The following CNTN5 variants were observed in gnomAD, a reference collection of about 807,000 sequenced individuals.
CNTN5 encodes contactin-5.
Under a neutral mutation model 129.1 loss-of-function variants are expected in CNTN5, and 77 were observed. The ratio of observed to expected loss-of-function variants is 0.60; its 90% CI spans 0.50 to 0.72. The LOEUF (loss-of-function observed/expected upper bound fraction) is 0.72, where lower values mean the gene tolerates loss of function less well. Ranked by LOEUF, CNTN5 falls within the 30% of genes least tolerant of loss-of-function variation. The pLI, the probability that CNTN5 is intolerant of heterozygous loss-of-function variation, is 0.00. For missense variants in CNTN5, 1,478 were observed against 1,328.8 expected (o/e 1.11, Z -1.75); for synonymous variants, 509 against 465.6 (o/e 1.09, Z -1.20).
intron 13 of CNTN5, among the ~76,000 whole-genome samples, chr11:100,103,406 T>G (rs1352660196): frequency 6.6e-6 from 1 of 152,188 alleles, no homozygotes; most frequent in Non-Finnish European, 1.5e-5. Flanking sequence ...GAGCGCATCA[T>G]GTACTAATGT....
At chr11:99,708,744 C>T (rs534167451) in intron 3 of CNTN5, among the ~76,000 whole-genome samples, 1 of 151,794 alleles carries the variant, frequency 6.6e-6, no homozygotes, top group East Asian at 2.0e-4. Flanking sequence ...CTCCCTTCTG[C>T]CAGAGACACC....
chr11:99,121,404 C>T (rs1591227599), intron 1 of CNTN5, among the ~76,000 whole-genome samples: 1 of 151,978 alleles, frequency 6.6e-6, no homozygotes, highest in Non-Finnish European at 1.5e-5. Context: ...AAGTGCTGGG[C>T]TTACAGGCAT....
chr11:99,696,042 T>A (rs1214841145), intron 3 of CNTN5, among the ~76,000 whole-genome samples: 1 of 152,130 alleles, frequency 6.6e-6, no homozygotes, highest in Non-Finnish European at 1.5e-5. Context: ...TTAATTAGGA[T>A]TTTTCAACAT....
At chr11:99,672,919 T>C (rs545245780) in intron 3 of CNTN5, among the ~76,000 whole-genome samples, 4 of 152,000 alleles carry the variant, frequency 2.6e-5, no homozygotes, top group African/African-American at 4.8e-5. Context: ...GTTCCTCTTG[T>C]AGTCTTTCAT....
rs57557128 is a variant in CNTN5 at position 100,286,415 on chromosome 11, G to C, written c.2315-11210G>C. ...AGCACGCAGCTGGAGATCTGAGAAC[G>C]GGCAGACTGCCTCCTCAAGTGGGTC... On this transcript the variant is annotated intron_variant, in intron 18 of 24. Transcript: ENST00000524871. 3.3e-3 allele frequency among the ~76,000 whole-genome samples: 504 copies of C among 151,106 alleles called. 1 individual carries two copies. Among genetic ancestry groups the C allele is most frequent in the Middle Eastern group, 0.01 (3 of 290 alleles).
intron 2 of CNTN5, among the ~76,000 whole-genome samples, chr11:99,356,967 G>A (rs1029272430): frequency 2.0e-5 from 3 of 152,160 alleles, no homozygotes; most frequent in Non-Finnish European, 2.9e-5. Context: ...CAAGTGTCAT[G>A]ATTGTCAAGT....
intron 8 of CNTN5, among the ~76,000 whole-genome samples, chr11:99,982,796 A>G (rs760357048): frequency 6.6e-6 from 1 of 152,006 alleles, no homozygotes; most frequent in African/African-American, 2.4e-5. Context: ...GCCTGCCACC[A>G]CGCCCAGTTA....
intron 3 of CNTN5, among the ~76,000 whole-genome samples, chr11:99,735,215 C>T (rs185250117): frequency 2.1e-4 from 17 of 81,126 alleles, no homozygotes; most frequent in Admixed American, 3.8e-4. Context: ...AACAAATTAT[C>T]TCCTGAAAAT....
Position 99,776,433 on chromosome 11 carries a change from T to G in CNTN5, c.56-43111T>G, listed in dbSNP as rs535108773. Among the ~76,000 whole-genome samples the G allele has an allele frequency of 2.6e-5, 4 of 152,036 alleles. No individual in the cohort carries two copies. In the East Asian group the frequency reaches 5.8e-4, roughly 22 times the overall value. ...TCTAAAAGCATTGCTTTCCTATCAT[T>G]ATCAATTTTTTTTTAATTTTCCTAG... is the stretch of plus-strand genomic sequence containing the variant. On this transcript the variant is annotated intron_variant, in intron 3 of 24. Transcript: ENST00000524871.
chr11:99,732,387 G>T (rs1044544206), intron 3 of CNTN5, among the ~76,000 whole-genome samples: 5 of 142,424 alleles, frequency 3.5e-5, no homozygotes, highest in Admixed American at 7.0e-5. Flanking sequence ...TAAAAACAAG[G>T]CTCAGTATAA....
intron 3 of CNTN5, among the ~76,000 whole-genome samples, chr11:99,749,856 T>C (rs1944173748): frequency 6.6e-6 from 1 of 152,198 alleles, no homozygotes; most frequent in South Asian, 2.1e-4. Context: ...CAGCTAAGTG[T>C]AGCCACATAA....
intron 24 of CNTN5, among the ~76,000 whole-genome samples, chr11:100,352,939 G>C (rs898680348): frequency 7.3e-5 from 11 of 151,496 alleles, no homozygotes; most frequent in Admixed American, 4.0e-4. Flanking sequence ...GCCTCATCAC[G>C]TTCCTGGGAT....
intron 9 of CNTN5, among the ~76,000 whole-genome samples, chr11:100,056,347 A>G (rs953741977): frequency 6.6e-5 from 10 of 151,726 alleles, no homozygotes; most frequent in Non-Finnish European, 1.0e-4. Context: ...GCAGATTACC[A>G]AATATAGCTT....
chr11:99,410,843 T>C (rs1440902139), intron 2 of CNTN5, among the ~76,000 whole-genome samples: 1 of 152,228 alleles, frequency 6.6e-6, no homozygotes, highest in Admixed American at 6.5e-5. Context: ...TAATCATTTA[T>C]AGTTACTTGT....
chr11:99,643,043 T>C (rs764835453), intron 3 of CNTN5, among the ~76,000 whole-genome samples: 1 of 152,332 alleles, frequency 6.6e-6, no homozygotes, highest in South Asian at 2.1e-4. Flanking sequence ...CTATTGTGAA[T>C]AGTACAGCAA....
intron 13 of CNTN5, among the ~76,000 whole-genome samples, chr11:100,141,271 G>C (rs1946690539): frequency 6.6e-6 from 1 of 152,062 alleles, no homozygotes; most frequent in African/African-American, 2.4e-5. Flanking sequence ...TCAAGGAGCA[G>C]GGAACAGGGA....
chr11:99,941,569 C>G (rs1215834294), intron 7 of CNTN5, among the ~76,000 whole-genome samples: 4 of 150,658 alleles, frequency 2.7e-5, no homozygotes, highest in African/African-American at 9.7e-5. Context: ...ATACATAAGA[C>G]AAACACACAC....
intron 1 of CNTN5, among the ~76,000 whole-genome samples, chr11:99,099,626 T>C (rs1866629453): frequency 6.6e-6 from 1 of 151,936 alleles, no homozygotes; most frequent in Non-Finnish European, 1.5e-5. Flanking sequence ...TACAATCTGG[T>C]ATTGTGTTCA....
intron 3 of CNTN5, 133 bp from the exon 4 acceptor site, chr11:99,819,411 C>G (rs80112037): frequency 6.5e-5 from 44 of 677,884 alleles, no homozygotes; most frequent in Non-Finnish European, 9.6e-5. Flanking sequence ...TTTTCACACT[C>G]TCACTGTAAT....
Sources: allele counts gnomAD v4.1 joint callset (sites outside exome capture counted in the v4.1 genomes callset), GRCh38; gene constraint gnomAD v4.1.1; transcripts MANE v1.5; gene names NCBI Gene and HGNC (gene_info 2026-07-23, HGNC 2026-07-21).